KCNT2: variants seen among roughly 807,000 people sequenced by gnomAD.
The protein encoded by KCNT2 is potassium sodium-activated channel subfamily T member 2.
Under a neutral mutation model 153.8 loss-of-function variants are expected in KCNT2, and 67 were observed. That is an observed-to-expected ratio of 0.44 (90% CI 0.36 to 0.53). The LOEUF (loss-of-function observed/expected upper bound fraction) is 0.53. Among genes scored for constraint, KCNT2 ranks in the 20% least tolerant of loss-of-function variants. The pLI is 0.00. For missense variants in KCNT2, 975 were observed against 1,354.8 expected (o/e 0.72, Z 4.40); for synonymous variants, 500 against 458.8 (o/e 1.09, Z -1.15).
intron 8 of KCNT2, among the ~76,000 whole-genome samples, chr1:196,459,403 G>GA (rs374476535): frequency 2.7e-5 from 4 of 149,532 alleles, no homozygotes; most frequent in Non-Finnish European, 4.5e-5. Context: ...GAAATTTCAA[G>GA]AAAAAAAATC....
chr1:196,258,235 T>G lies in KCNT2; in HGVS notation c.3170A>C (p.Lys1057Thr), dbSNP rs1656688207. The change falls in exon 26 of 28, where the codon AAA (lysine) becomes ACA (threonine). Residue 1057 changes from lysine (K) to threonine (T), a missense_variant. Around this residue, in one of 6 missense-constraint regions of KCNT2, gnomAD observed 241 missense variants for 271.1 expected, o/e 0.89. Coordinates refer to ENST00000294725, the MANE Select transcript of KCNT2 (RefSeq NM_198503.5). ...SERQELAELV[K>T]NRMKHLGLST... The stretch of plus-strand genomic sequence containing the variant: ...AAGACCCAAGTGTTTCATTCTATTT[T>G]TCACAAGTTCAGCAAGCTCTTGTCT... 2 of 1,614,050 alleles carry G rather than the reference T, an allele frequency of 1.2e-6. No homozygotes were observed. Among genetic ancestry groups the G allele is most frequent in the Admixed American group, 1.7e-5 (1 of 60,008 alleles).
In KCNT2 at chr1:196,226,316, T is replaced by C. The variant is rs963161807; in HGVS notation, c.*1908A>G. On this transcript the variant is annotated 3_prime_UTR_variant, in exon 28 of 28. Transcript: ENST00000294725. ...TCTTGATATGCAAATATAAAACAAG[T>C]TCATAAAATTTATTGTTTTTCTCTG... 1 of 151,974 alleles carries C rather than the reference T, an allele frequency of 6.6e-6. No individual in the cohort carries two copies. Among genetic ancestry groups the C allele is most frequent in the Non-Finnish European group, 1.5e-5 (1 of 67,876 alleles). The allele number at this position is 151,974 out of a possible 1,614,324, so 9.4% of individuals were successfully genotyped here.
chr1:196,365,505 T>C (rs1005919594), intron 14 of KCNT2, among the ~76,000 whole-genome samples: 43 of 152,174 alleles, frequency 2.8e-4, no homozygotes, highest in African/African-American at 9.4e-4. Flanking sequence ...AATCCTAATT[T>C]CTGTAATATT....
At chr1:196,281,502 T>C (rs558839848) in intron 24 of KCNT2, among the ~76,000 whole-genome samples, 1 of 152,268 alleles carries the variant, frequency 6.6e-6, no homozygotes, top group East Asian at 1.9e-4. Flanking sequence ...TTCCACCCAA[T>C]GTTCCAATAA....
chr1:196,294,119 C>G (rs1415218339), intron 22 of KCNT2, among the ~76,000 whole-genome samples: 1 of 152,084 alleles, frequency 6.6e-6, no homozygotes, highest in Non-Finnish European at 1.5e-5. Context: ...CATCACTGAT[C>G]ATCAGGGAAA....
intron 25 of KCNT2, among the ~76,000 whole-genome samples, chr1:196,275,989 A>G (rs924052867): frequency 1.3e-5 from 2 of 151,986 alleles, no homozygotes; most frequent in African/African-American, 2.4e-5. Context: ...ATATCTCTTA[A>G]TTCCCTCTCA....
intron 14 of KCNT2, among the ~76,000 whole-genome samples, chr1:196,358,071 TCTAA>T (rs1047195148): frequency 2.0e-5 from 3 of 151,692 alleles, no homozygotes; most frequent in Non-Finnish European, 4.4e-5. Flanking sequence ...TCTTATAATT[TCTAA>T]CTATCATTTT....
chr1:196,404,066 G>A, intron 12 of KCNT2: 2 of 554,482 alleles, frequency 3.6e-6, no homozygotes, highest in Non-Finnish European at 4.6e-6. Flanking sequence ...GCTACTGGTA[G>A]TCCTCCCTTT....
intron 25 of KCNT2, among the ~76,000 whole-genome samples, chr1:196,268,472 C>G (rs938159582): frequency 2.6e-5 from 4 of 152,152 alleles, no homozygotes; most frequent in African/African-American, 9.7e-5. Flanking sequence ...CATCTCCCTA[C>G]TAACCACAGG....
intron 12 of KCNT2, among the ~76,000 whole-genome samples, chr1:196,400,864 A>C (rs557687636): frequency 6.6e-6 from 1 of 151,902 alleles, no homozygotes; most frequent in African/African-American, 2.4e-5. Flanking sequence ...GAAAATTAAA[A>C]CTTGGAGGAA....
chr1:196,257,253 A>T, intron 26 of KCNT2: 1 of 985,046 alleles, frequency 1.0e-6, no homozygotes, highest in Non-Finnish European at 1.2e-6. Flanking sequence ...AGTAGTGCTA[A>T]CTTAATATGT....
rs1007670158 is a variant in KCNT2, at chr1:196,580,718, T to C, written c.95+27497A>G. On this transcript the variant is annotated intron_variant, in intron 1 of 27. Transcript: ENST00000294725. ...GGGAGTGAGATGTGTGTTGTGATGG[T>C]ATAGTTAGACTGCTAAATCCTTATA... 2.6e-5 allele frequency among the ~76,000 whole-genome samples: 4 copies of C among 152,218 alleles called. 1 individual carries two copies. The highest frequency in any genetic ancestry group is 9.6e-5 in the African/African-American group (4 of 41,530).
intron 1 of KCNT2, among the ~76,000 whole-genome samples, chr1:196,571,191 T>G (rs1660739506): frequency 1.3e-5 from 2 of 152,126 alleles, no homozygotes; most frequent in Admixed American, 1.3e-4. Context: ...TTTGCAAAGA[T>G]ATGGATGGCA....
At chr1:196,333,434 G>T (rs1226739122) in intron 17 of KCNT2, among the ~76,000 whole-genome samples, 2 of 151,914 alleles carry the variant, frequency 1.3e-5, no homozygotes, top group Non-Finnish European at 2.9e-5. Context: ...TTAATGGAAG[G>T]GGCTGTGTTT....
intron 14 of KCNT2, among the ~76,000 whole-genome samples, chr1:196,372,538 T>C (rs1668625781): frequency 1.3e-5 from 2 of 151,930 alleles, no homozygotes; most frequent in South Asian, 4.1e-4. Flanking sequence ...AAACAACTTC[T>C]GTATTTCATA....
At chr1:196,537,756 T>C (rs1049580189) in intron 1 of KCNT2, among the ~76,000 whole-genome samples, 2 of 152,170 alleles carry the variant, frequency 1.3e-5, no homozygotes, top group Admixed American at 6.5e-5. Context: ...AGTACTTCAT[T>C]GGGCTGCTTA....
rs146585215 is a variant in KCNT2 at position 196,547,952 on chromosome 1, G to A, written c.96-55611C>T. On this transcript the variant is annotated intron_variant, in intron 1 of 27. Transcript: ENST00000294725. ...ATAGTCTAAAATGCAATTCTGATCT[G>A]GTACGTCTATAGTGGGCCCACAGAT... Among the ~76,000 whole-genome samples the A allele has an allele frequency of 4.9e-3, 737 of 151,732 alleles. 3 individuals are homozygous for A. Among genetic ancestry groups the A allele is most frequent in the African/African-American group, 0.016 (670 of 41,452 alleles).
At chr1:196,249,694 A>G (rs2102291727) in intron 26 of KCNT2, among the ~76,000 whole-genome samples, 1 of 151,936 alleles carries the variant, frequency 6.6e-6, no homozygotes, top group South Asian at 2.1e-4. Context: ...AATCACTTGA[A>G]CCCAGGAGGC....
At chr1:196,310,599 C>T (rs1215731057) in intron 21 of KCNT2, among the ~76,000 whole-genome samples, 1 of 151,800 alleles carries the variant, frequency 6.6e-6, no homozygotes, top group African/African-American at 2.4e-5. Context: ...TTTCCATGTG[C>T]ATGTACATGT....
Sources: allele counts gnomAD v4.1 joint callset (sites outside exome capture counted in the v4.1 genomes callset), GRCh38; gene constraint gnomAD v4.1.1; regional missense constraint gnomAD v4.1.1; transcripts MANE v1.5; gene names NCBI Gene and HGNC (gene_info 2026-07-23, HGNC 2026-07-21).